Variants in GANC observed in about 807,000 individuals in gnomAD.
The protein encoded by GANC is glucosidase alpha, neutral C, also known as neutral alpha-glucosidase C.
GANC carries 117 observed loss-of-function variants against 124.2 expected under a neutral mutation model. The ratio of observed to expected loss-of-function variants is 0.94; its 90% CI spans 0.81 to 1.10. The LOEUF (loss-of-function observed/expected upper bound fraction) is 1.10, where lower values mean the gene tolerates loss of function less well. GANC is among the 50% of genes least tolerant of loss of function. The pLI is 0.00. For synonymous variants in GANC, 377 were observed against 376.8 expected (o/e 1.00, Z -0.01); for missense variants, 1,140 against 1,095.0 (o/e 1.04, Z -0.58).
chr15:42,308,113 C>T (rs1313251926), intron 7 of GANC, 109 bp from the exon 8 acceptor site: 3 of 617,644 alleles, frequency 4.9e-6, no homozygotes, highest in Non-Finnish European at 8.8e-6. Context: ...TAGGTGAGCC[C>T]AGGTCTCTCA....
Position 42,342,106 on chromosome 15 carries a change from G to A in GANC, c.2153-972G>A, listed in dbSNP as rs148018726. ...TTTGTTTTCACTAACTGTAAACTCC[G>A]TAAGGTCAGGAGCCACGCTTGTCTT... On this transcript the variant is annotated intron_variant, in intron 18 of 23. Transcript: ENST00000318010. Among the ~76,000 whole-genome samples the A allele has an allele frequency of 1.8e-3, 268 of 152,086 alleles. 2 individuals are homozygous for A. Among genetic ancestry groups the A allele is most frequent in the Non-Finnish European group, 2.0e-3 (135 of 68,016 alleles).
intron 8 of GANC, among the ~76,000 whole-genome samples, chr15:42,308,774 C>T (rs990030425): frequency 1.3e-5 from 2 of 152,094 alleles, no homozygotes; most frequent in Non-Finnish European, 2.9e-5. Context: ...AGTGAGCCAC[C>T]GTGCCTGGCC....
At chr15:42,283,270 T>C (rs918632644) in intron 3 of GANC, among the ~76,000 whole-genome samples, 4 of 152,238 alleles carry the variant, frequency 2.6e-5, no homozygotes, top group African/African-American at 9.6e-5. Flanking sequence ...AGTGTTGTGC[T>C]TATTCCTGAT....
At chr15:42,338,253 T>G (rs888555090) in intron 15 of GANC, 136 bp from the exon 16 acceptor site, 4 of 510,310 alleles carry the variant, frequency 7.8e-6, no homozygotes, top group Non-Finnish European at 1.4e-5. Context: ...TGTAGAAAAT[T>G]AGAATTTATT....
chr15:42,347,627 T>C (rs2052377217), intron 20 of GANC, among the ~76,000 whole-genome samples: 1 of 152,100 alleles, frequency 6.6e-6, no homozygotes, highest in Admixed American at 6.6e-5. Flanking sequence ...AGGACAAAAG[T>C]CATCTGTCCA....
At chr15:42,300,879 G>A (rs1182727167) in intron 6 of GANC, among the ~76,000 whole-genome samples, 3 of 151,974 alleles carry the variant, frequency 2.0e-5, no homozygotes, top group Non-Finnish European at 4.4e-5. Context: ...TTAGCTGGGC[G>A]TGGTAGTGCA....
chr15:42,279,822 G>A (rs190142875), intron 3 of GANC, among the ~76,000 whole-genome samples: 226 of 152,292 alleles, frequency 1.5e-3, no homozygotes, highest in South Asian at 0.011. Flanking sequence ...GGAAGCTGAC[G>A]TTCGTGGCAA....
chr15:42,306,864 G>A (rs996666305), intron 7 of GANC, among the ~76,000 whole-genome samples: 1 of 152,174 alleles, frequency 6.6e-6, no homozygotes, highest in Non-Finnish European at 1.5e-5. Context: ...TCATGGGTCA[G>A]CACACTGCTT....
intron 8 of GANC, among the ~76,000 whole-genome samples, chr15:42,309,609 G>A (rs1055950772): frequency 4.6e-5 from 7 of 151,796 alleles, no homozygotes; most frequent in African/African-American, 1.5e-4. Flanking sequence ...TGAGCCACCG[G>A]CACCCAGCCT....
chr15:42,351,950 A>G (rs1049353218), intron 23 of GANC, 80 bp from the exon 24 acceptor site: 4 of 1,557,168 alleles, frequency 2.6e-6, no homozygotes, highest in Non-Finnish European at 3.5e-6. Flanking sequence ...ACAGTGAGAA[A>G]ACATTTCAGA....
chr15:42,300,977 C>T (rs1457053829), intron 6 of GANC, among the ~76,000 whole-genome samples: 1 of 149,628 alleles, frequency 6.7e-6, no homozygotes, highest in African/African-American at 2.5e-5. Flanking sequence ...AAGATGATGC[C>T]ATTGCACTCC....
chr15:42,318,146 G>C (rs1432323571), intron 10 of GANC, among the ~76,000 whole-genome samples: 1 of 152,062 alleles, frequency 6.6e-6, no homozygotes, highest in Non-Finnish European at 1.5e-5. Flanking sequence ...TGTTCTCTAG[G>C]TTCCCTGCAC....
intron 5 of GANC, among the ~76,000 whole-genome samples, chr15:42,293,363 G>A (rs527752336): frequency 5.3e-5 from 8 of 152,156 alleles, no homozygotes; most frequent in Non-Finnish European, 1.0e-4. Context: ...GGAGGTGGTG[G>A]TAAGGAGGAG....
At chr15:42,344,114 C>G (rs7164874) in intron 19 of GANC, among the ~76,000 whole-genome samples, 14,759 of 152,266 alleles carry the variant, frequency 0.097, 841 homozygotes, top group South Asian at 0.18. Context: ...CGTGCTCTCC[C>G]TCAACATAGC....
chr15:42,273,230 A>T lies in GANC; in HGVS notation c.-1252A>T, dbSNP rs1432125820. On this transcript the variant is annotated 5_prime_UTR_variant, in exon 1 of 24. Coordinates refer to ENST00000318010, the MANE Select transcript of GANC (RefSeq NM_198141.3). ...CCCCACCCCTTGCTCCTCTAGGTTC[A>T]GACGTTAGTGAAGTGAATACTCACC... 4.3e-6 allele frequency: 7 copies of T among 1,613,494 alleles called. No individual in the cohort carries two copies. The highest frequency in any genetic ancestry group is 1.6e-4 in the Middle Eastern group (1 of 6,078).
intron 4 of GANC, among the ~76,000 whole-genome samples, chr15:42,289,027 G>A (rs2141024050): frequency 1.3e-5 from 2 of 152,180 alleles, no homozygotes; most frequent in Non-Finnish European, 2.9e-5. Context: ...CATGTTTTAG[G>A]GTCCAGGTGA....
rs2052357010 is a variant in GANC at position 42,345,550 on chromosome 15, T to G, written c.2230-208T>G. On this transcript the variant is annotated intron_variant, in intron 19 of 23. Transcript: ENST00000318010. ...TTGGATGAATAGAAAACAAATGGCC[T>G]TTTAGTTAAATTAATCAGCCATAGT... Among the ~76,000 whole-genome samples, 3 of 152,334 alleles carry G rather than the reference T, an allele frequency of 2.0e-5. No homozygotes were observed. In the South Asian group the frequency reaches 6.2e-4, roughly 32 times the overall value.
Position 42,276,363 on chromosome 15 carries a change from T to G in GANC, c.45T>G (p.Ala15=). The change falls in exon 2 of 24, where the codon GCT becomes GCG. Residue 15 remains alanine, a synonymous_variant. Coordinates refer to ENST00000318010, the MANE Select transcript of GANC (RefSeq NM_198141.3). ...TTTTATTTAGTCTTGAAGATGAAGC[T>G]GTAGATAAAAACATTTTCAGAGACT... ...VKEEISLEDE[A]VDKNIFRDCN... 6.9e-7 allele frequency: 1 copy of G among 1,459,112 alleles called. No individual in the cohort carries two copies. The highest frequency in any genetic ancestry group is 1.7e-5 in the Admixed American group (1 of 58,738). The allele number at this position is 1,459,112 out of a possible 1,614,324, so 90.4% of individuals were successfully genotyped here.
intron 6 of GANC, among the ~76,000 whole-genome samples, chr15:42,298,548 G>A (rs1464513615): frequency 1.3e-5 from 2 of 152,216 alleles, no homozygotes; most frequent in Non-Finnish European, 1.5e-5. Flanking sequence ...CTAAGTAGCA[G>A]AGATGCATGG....
Sources: allele counts gnomAD v4.1 joint callset (sites outside exome capture counted in the v4.1 genomes callset), GRCh38; gene constraint gnomAD v4.1.1; transcripts MANE v1.5; gene names NCBI Gene and HGNC (gene_info 2026-07-23, HGNC 2026-07-21).